The following GSPT1 variants were observed in gnomAD, a reference collection of about 807,000 sequenced individuals.
GSPT1 encodes the protein eukaryotic peptide chain release factor GTP-binding subunit ERF3A.
GSPT1 carries 20 observed loss-of-function variants against 72.5 expected under a neutral mutation model. The observed-to-expected ratio is 0.28, with a 90% CI of 0.19 to 0.40. The LOEUF (loss-of-function observed/expected upper bound fraction) is 0.40. Ranked by LOEUF, GSPT1 falls within the 10% of genes least tolerant of loss-of-function variation. The probability of loss-of-function intolerance (pLI) is 1.00; values close to 1 mark genes in which losing one functional copy is unlikely to be tolerated. For synonymous variants in GSPT1, 334 were observed against 293.5 expected (o/e 1.14, Z -1.41); for missense variants, 580 against 811.9 (o/e 0.71, Z 3.47).
In GSPT1 at chr16:11,886,899, A is replaced by G; in HGVS notation, c.990T>C (p.Thr330=). The change falls in exon 8 of 15, where the codon ACT becomes ACC. Residue 330 remains threonine, a synonymous_variant. Coordinates refer to ENST00000434724, the MANE Select transcript of GSPT1 (RefSeq NM_002094.4). ...VISARKGEFE[T]GFEKGGQTRE... is the part of the protein sequence containing the mutation. ...TTGTCTGTCCTCCTTTTTCAAATCC[A>G]GTTTCAAACTCTCCTTTCCTGGCTG... 1 of 1,613,868 alleles carries G rather than the reference A, an allele frequency of 6.2e-7. No homozygotes were observed. The highest frequency in any genetic ancestry group is 8.5e-7 in the Non-Finnish European group (1 of 1,179,876).
intron 1 of GSPT1, chr16:11,904,241 T>C (rs1405487404): frequency 1.3e-5 from 2 of 152,926 alleles, no homozygotes; most frequent in Admixed American, 6.6e-5. Context: ...TCTTGCTCTG[T>C]TGCCAGGCTG....
intron 7 of GSPT1, 178 bp from the exon 8 acceptor site, chr16:11,887,109 T>A (rs962431964): frequency 3.6e-6 from 2 of 560,742 alleles, no homozygotes; most frequent in Non-Finnish European, 6.2e-6. Context: ...AATGTCTAGA[T>A]GCTTCCAATC....
Position 11,886,495 on chromosome 16 carries a change from T to C in GSPT1, c.1229A>G (p.Gln410Arg), listed in dbSNP as rs1381277149. The C allele has an allele frequency of 6.2e-7, 1 of 1,613,192 alleles. No homozygotes were observed. The highest frequency in any genetic ancestry group is 8.5e-7 in the Non-Finnish European group (1 of 1,179,380). ...CATGTACCAAGGACAGAAATCCGAC[T>C]GCTCTTTGAGATTTGCTCCAGTAAG... ...SGLTGANLKE[Q>R]SDFCPWYIGL... The change falls in exon 9 of 15, where the codon CAG becomes CGG. Residue 410 changes from glutamine (Q) to arginine (R), a missense_variant. Gln to Arg is a conservative substitution (Grantham distance 43). Around this residue, in one of 6 missense-constraint regions of GSPT1, gnomAD observed 45 missense variants for 43.0 expected, o/e 1.05. Transcript: ENST00000434724.
At chr16:11,889,329 C>CCTT (rs2054225270) in intron 6 of GSPT1, among the ~76,000 whole-genome samples, 4 of 60,040 alleles carry the variant, frequency 6.7e-5, no homozygotes, top group African/African-American at 3.0e-4. Context: ...CCCTCTTCTT[C>CCTT]TTTTTTTTTT....
chr16:11,888,091 G>T (rs1335998950), intron 6 of GSPT1, among the ~76,000 whole-genome samples: 1 of 152,158 alleles, frequency 6.6e-6, no homozygotes, highest in East Asian at 1.9e-4. Flanking sequence ...GGAGGAGGAG[G>T]TTGCAGCGAG....
chr16:11,901,947 T>A (rs954300400), intron 1 of GSPT1, among the ~76,000 whole-genome samples: 1 of 150,906 alleles, frequency 6.6e-6, no homozygotes, highest in African/African-American at 2.4e-5. Flanking sequence ...AACACAAAAA[T>A]TTGCCGGGCA....
At chr16:11,889,490 A>G (rs2054228189) in intron 6 of GSPT1, among the ~76,000 whole-genome samples, 1 of 145,122 alleles carries the variant, frequency 6.9e-6, no homozygotes, top group African/African-American at 2.6e-5. Flanking sequence ...GGTGCCCACC[A>G]CCACGCCCGG....
At chr16:11,916,275 G>GT (rs1261535453), upstream of GSPT1, among the ~76,000 whole-genome samples, 3 of 152,150 alleles carry the variant, frequency 2.0e-5, no homozygotes, top group South Asian at 6.2e-4. Context: ...CTGTCACCTG[G>GT]TGGGGGGGCA....
chr16:11,902,469 T>C (rs1019898533), intron 1 of GSPT1, among the ~76,000 whole-genome samples: 1 of 148,158 alleles, frequency 6.7e-6, no homozygotes, highest in African/African-American at 2.5e-5. Flanking sequence ...GGAAGATTAA[T>C]GACTTGACTG....
intron 5 of GSPT1, among the ~76,000 whole-genome samples, chr16:11,892,064 C>A (rs1016144924): frequency 6.6e-6 from 1 of 152,028 alleles, no homozygotes; most frequent in Non-Finnish European, 1.5e-5. Flanking sequence ...GACAAAGTGG[C>A]CTGGTGTGAT....
chr16:11,888,972 T>C (rs1337343033), intron 6 of GSPT1, among the ~76,000 whole-genome samples: 1 of 152,048 alleles, frequency 6.6e-6, no homozygotes, highest in Non-Finnish European at 1.5e-5. Flanking sequence ...TGGCACAAAA[T>C]ACAACACAAA....
chr16:11,896,014 A>G (rs528426174), intron 4 of GSPT1, among the ~76,000 whole-genome samples: 1 of 152,372 alleles, frequency 6.6e-6, no homozygotes, highest in East Asian at 1.9e-4. Flanking sequence ...AGCTGAAATG[A>G]AAGACACATA....
At chr16:11,907,383 T>C (rs928873086) in intron 1 of GSPT1, among the ~76,000 whole-genome samples, 8 of 152,224 alleles carry the variant, frequency 5.3e-5, no homozygotes, top group Middle Eastern at 3.2e-3. Flanking sequence ...AGCCTTTATT[T>C]TCTCATCTGT....
At chr16:11,900,236 G>C (rs772080596) in intron 1 of GSPT1, among the ~76,000 whole-genome samples, 1 of 151,902 alleles carries the variant, frequency 6.6e-6, no homozygotes, top group Non-Finnish European at 1.5e-5. Context: ...GGGAGGCCAA[G>C]GCAGGAGAAT....
intron 1 of GSPT1, among the ~76,000 whole-genome samples, chr16:11,902,513 A>T (rs2054424566): frequency 6.6e-6 from 1 of 151,996 alleles, no homozygotes; most frequent in Non-Finnish European, 1.5e-5. Context: ...ATTTTAAAAC[A>T]TGAAGTGAAG....
Position 11,915,454 on chromosome 16 carries a change from G to A in GSPT1, c.267C>T (p.Phe89=), listed in dbSNP as rs770440933. Residue 89 remains phenylalanine (F), a synonymous_variant, in exon 1 of 15, where the codon TTC becomes TTT. Transcript: ENST00000434724. ...GTGGCGGCGCTGCCGGGCCCCGCAGGAAGGACGGCACGAACTCGGCGGCGT... is the reference window on the plus strand; with the variant it reads ...GTGGCGGCGCTGCCGGGCCCCGCAGAAAGGACGGCACGAACTCGGCGGCGT... ...NVHAAEFVPS[F]LRGPAAPPPP... The A allele has an allele frequency of 5.3e-5, 82 of 1,545,012 alleles. No individual in the cohort carries two copies. Among genetic ancestry groups the A allele is most frequent in the Admixed American group, 5.8e-5 (3 of 51,812 alleles).
chr16:11,915,724 C>CGGG lies in GSPT1; in HGVS notation c.-7_-5dup, dbSNP rs761376116. ...CGCCGCCACTGCCCGGATCCATGAT[C>CGGG]GGGGGGGCCGTGTGTGTGGTGGACA... On this transcript the variant is annotated 5_prime_UTR_variant, in exon 1 of 15. Coordinates refer to ENST00000434724, the MANE Select transcript of GSPT1 (RefSeq NM_002094.4). 20 of 1,514,118 alleles carry CGGG rather than the reference C, an allele frequency of 1.3e-5. No individual in the cohort carries two copies. In the South Asian group the frequency reaches 2.2e-4, roughly 16 times the overall value. 93.8% of individuals were successfully genotyped at this position (1,514,118 alleles called of 1,614,324 possible).
In GSPT1 at chr16:11,877,141, T is replaced by G. The variant is rs572218716; in HGVS notation, c.1602+266A>C. 6.6e-6 allele frequency among the ~76,000 whole-genome samples: 1 copy of G among 152,282 alleles called. No individual in the cohort carries two copies. The highest frequency in any genetic ancestry group is 1.9e-4 in the East Asian group (1 of 5,172). On this transcript the variant is annotated intron_variant, in intron 12 of 14. Transcript: ENST00000434724. The surrounding 1 kb of genome is among the most constrained non-coding windows in gnomAD (Gnocchi z 4.0). ...TGGTCAAAGTGAATATTAGATACTG[T>G]AGAATGTATCATCAGGAGATCAAAC...
At chr16:11,909,712 G>A (rs1050107098) in intron 1 of GSPT1, among the ~76,000 whole-genome samples, 1 of 152,146 alleles carries the variant, frequency 6.6e-6, no homozygotes, top group African/African-American at 2.4e-5. Flanking sequence ...ATCACTTGAG[G>A]TCAAGAGTTC....
Sources: allele counts gnomAD v4.1 joint callset (sites outside exome capture counted in the v4.1 genomes callset), GRCh38; gene constraint gnomAD v4.1.1; regional missense constraint gnomAD v4.1.1; non-coding constraint Gnocchi (gnomAD v3.1); transcripts MANE v1.5; gene names NCBI Gene and HGNC (gene_info 2026-07-23, HGNC 2026-07-21).